The following CTNND2 variants were observed in gnomAD, a reference collection of about 807,000 sequenced individuals.
CTNND2 encodes the protein catenin delta 2, also known as catenin delta-2.
In CTNND2, 22 loss-of-function variants were observed where a neutral mutation model predicts 144.4. The ratio of observed to expected loss-of-function variants is 0.15; its 90% CI spans 0.11 to 0.22. The LOEUF (loss-of-function observed/expected upper bound fraction) is 0.22. CTNND2 is among the 10% of genes least tolerant of loss of function. The probability of loss-of-function intolerance (pLI) is 1.00; values close to 1 mark genes in which losing one functional copy is unlikely to be tolerated. For synonymous variants in CTNND2, 751 were observed against 695.6 expected (o/e 1.08, Z -1.25); for missense variants, 1,353 against 1,618.8 (o/e 0.84, Z 2.82).
chr5:11,397,982 A>C (rs1254995086), intron 5 of CTNND2, among the ~76,000 whole-genome samples: 1 of 152,230 alleles, frequency 6.6e-6, no homozygotes, highest in Non-Finnish European at 1.5e-5. Context: ...CTTTTTAAGC[A>C]AATTTTCTTT....
At position 11,082,619 on chromosome 5, in the gene CTNND2, C is replaced by T. The variant is rs1007434706; in HGVS notation, c.2788+77G>A. ...TCTGTGTAAGCATAGGCTATGCATA[C>T]GGGTTCAACCACACCTACCCCTAGA... On this transcript the variant is annotated intron_variant, in intron 16 of 21. Coordinates refer to ENST00000304623, the MANE Select transcript of CTNND2 (RefSeq NM_001332.4). 3.6e-5 allele frequency: 55 copies of T among 1,527,658 alleles called. No homozygotes were observed. The Middle Eastern group carries it at 1.0e-3, about 29-fold the overall frequency. 94.6% of individuals were successfully genotyped at this position (1,527,658 alleles called of 1,614,324 possible). A position where few individuals can be genotyped will look rare whatever the true frequency, so the allele number is the denominator to read the frequency against.
intron 8 of CTNND2, among the ~76,000 whole-genome samples, chr5:11,353,058 C>T (rs141656497): frequency 8.1e-4 from 115 of 142,028 alleles, no homozygotes; most frequent in Non-Finnish European, 1.6e-3. Flanking sequence ...GGATGATACA[C>T]AGTCTTTTTT....
chr5:11,576,859 T>A (rs1286002580), intron 2 of CTNND2, among the ~76,000 whole-genome samples: 1 of 152,200 alleles, frequency 6.6e-6, no homozygotes, highest in Non-Finnish European at 1.5e-5. Context: ...AGACTAGGAA[T>A]AGTTTCCAGT....
chr5:11,110,823 G>T, intron 14 of CTNND2, 35 bp downstream of exon 14: 2 of 1,580,720 alleles, frequency 1.3e-6, no homozygotes, highest in Non-Finnish European at 1.7e-6. Flanking sequence ...TTAGGAAGGG[G>T]ATAATTGCAT....
chr5:11,380,085 C>T (rs1241864834), intron 7 of CTNND2, among the ~76,000 whole-genome samples: 1 of 152,210 alleles, frequency 6.6e-6, no homozygotes, highest in African/African-American at 2.4e-5. Flanking sequence ...ATGCCAGGTG[C>T]ACACTGAACC....
intron 7 of CTNND2, among the ~76,000 whole-genome samples, chr5:11,381,997 CAA>C (rs534417905): frequency 2.1e-3 from 312 of 151,578 alleles, no homozygotes; most frequent in Admixed American, 3.7e-3. Context: ...CAAAACAAAA[CAA>C]AACAAAACAA....
chr5:11,474,594 G>A (rs1767542125), intron 3 of CTNND2, among the ~76,000 whole-genome samples: 1 of 152,178 alleles, frequency 6.6e-6, no homozygotes, highest in Non-Finnish European at 1.5e-5. Context: ...AGGGCACCAA[G>A]ACAGAAGACA....
At chr5:11,623,694 C>A (rs1386718922) in intron 2 of CTNND2, among the ~76,000 whole-genome samples, 1 of 149,988 alleles carries the variant, frequency 6.7e-6, no homozygotes, top group Non-Finnish European at 1.5e-5. Context: ...TAATTTCAGA[C>A]AAAACAGACT....
chr5:11,205,113 G>A (rs530205494), intron 10 of CTNND2, among the ~76,000 whole-genome samples: 1 of 152,254 alleles, frequency 6.6e-6, no homozygotes, highest in South Asian at 2.1e-4. Context: ...CATGCTGAAA[G>A]AAACTAGGCT....
At chr5:11,440,057 G>A (rs1764135432) in intron 3 of CTNND2, among the ~76,000 whole-genome samples, 1 of 151,976 alleles carries the variant, frequency 6.6e-6, no homozygotes, top group Admixed American at 6.6e-5. Flanking sequence ...CAGAAGCCAG[G>A]ACAGTTCTGA....
At chr5:11,795,709 G>A (rs957656899) in intron 1 of CTNND2, among the ~76,000 whole-genome samples, 18 of 152,112 alleles carry the variant, frequency 1.2e-4, no homozygotes, top group Non-Finnish European at 2.4e-4. Context: ...AGGAGAATAT[G>A]GTATCTTAAA....
chr5:11,313,541 C>T (rs1222247510), intron 9 of CTNND2, among the ~76,000 whole-genome samples: 2 of 152,116 alleles, frequency 1.3e-5, no homozygotes, highest in African/African-American at 2.4e-5. Context: ...TCTCCTCAAC[C>T]GTGTTGGTGT....
intron 9 of CTNND2, among the ~76,000 whole-genome samples, chr5:11,286,391 T>C (rs1320352097): frequency 6.6e-6 from 1 of 152,156 alleles, no homozygotes; most frequent in Non-Finnish European, 1.5e-5. Flanking sequence ...TATTAAAAAC[T>C]CAGAAAAGCT....
intron 9 of CTNND2, among the ~76,000 whole-genome samples, chr5:11,332,330 ACT>A (rs1444326836): frequency 1.3e-5 from 2 of 150,568 alleles, no homozygotes; most frequent in Non-Finnish European, 2.9e-5. Context: ...AGTGGGAGGC[ACT>A]GTTTTGAAAG....
At chr5:11,637,980 G>C (rs919749658) in intron 2 of CTNND2, among the ~76,000 whole-genome samples, 1 of 152,034 alleles carries the variant, frequency 6.6e-6, no homozygotes, top group African/African-American at 2.4e-5. Context: ...GTAAAGAACC[G>C]GTCTCTAAAG....
intron 3 of CTNND2, among the ~76,000 whole-genome samples, chr5:11,511,436 G>A (rs1771635242): frequency 6.6e-6 from 1 of 152,116 alleles, no homozygotes; most frequent in African/African-American, 2.4e-5. Flanking sequence ...AGGGGAGAAG[G>A]TTGTGTGTGG....
chr5:11,767,843 C>T (rs745885268), intron 1 of CTNND2, among the ~76,000 whole-genome samples: 7 of 152,012 alleles, frequency 4.6e-5, no homozygotes, highest in Non-Finnish European at 8.8e-5. Flanking sequence ...CTGGCTAGAC[C>T]ATTGTACATT....
At chr5:11,680,465 C>T (rs1445087329) in intron 2 of CTNND2, among the ~76,000 whole-genome samples, 1 of 152,082 alleles carries the variant, frequency 6.6e-6, no homozygotes, top group Non-Finnish European at 1.5e-5. Context: ...AAACACCCCA[C>T]CACGCACAGG....
chr5:11,439,340 G>C (rs1479367510), intron 3 of CTNND2, among the ~76,000 whole-genome samples: 2 of 152,172 alleles, frequency 1.3e-5, no homozygotes, highest in Non-Finnish European at 2.9e-5. Context: ...GTAGACAGTA[G>C]TGGCTGCAGA....
Sources: allele counts gnomAD v4.1 joint callset (sites outside exome capture counted in the v4.1 genomes callset), GRCh38; gene constraint gnomAD v4.1.1; transcripts MANE v1.5; gene names NCBI Gene and HGNC (gene_info 2026-07-23, HGNC 2026-07-21).